PCDHA10: variants seen among roughly 807,000 people sequenced by gnomAD.
PCDHA10 encodes protocadherin alpha 10.
A neutral mutation model predicts 61.2 loss-of-function variants in PCDHA10; 45 were observed. The ratio of observed to expected loss-of-function variants is 0.74; its 90% CI spans 0.58 to 0.94. The LOEUF is 0.94. PCDHA10 is among the 40% of genes least tolerant of loss of function. The probability of loss-of-function intolerance (pLI) is 0.00; values close to 1 mark genes in which losing one functional copy is unlikely to be tolerated. For synonymous variants in PCDHA10, 602 were observed against 548.8 expected (o/e 1.10, Z -1.35); for missense variants, 1,278 against 1,236.2 (o/e 1.03, Z -0.51).
Position 140,871,139 on chromosome 5 carries a change from C to T in PCDHA10, c.2388+12703C>T, listed in dbSNP as rs782085001. 8 of 1,613,312 alleles carry T rather than the reference C, an allele frequency of 5.0e-6. No individual in the cohort carries two copies. The African/African-American group carries it at 6.7e-5, about 13-fold the overall frequency. On this transcript the variant is annotated intron_variant, in intron 1 of 3. Coordinates refer to ENST00000307360, the MANE Select transcript of PCDHA10 (RefSeq NM_018901.4). ...AGCGGACAGGCGCCAAAGGCCTCTTCCCGGACTTTGGCGGGCGCCGCGAGC... is the reference window on the plus strand; with the variant it reads ...AGCGGACAGGCGCCAAAGGCCTCTTTCCGGACTTTGGCGGGCGCCGCGAGC...
chr5:140,967,889 C>T, intron 1 of PCDHA10: 1 of 1,614,146 alleles, frequency 6.2e-7, no homozygotes, highest in Non-Finnish European at 8.5e-7. Context: ...TAGCCCAGTG[C>T]CTGAGAATGC....
intron 1 of PCDHA10, among the ~76,000 whole-genome samples, chr5:140,930,708 C>T (rs1554208021): frequency 2.0e-5 from 3 of 152,088 alleles, no homozygotes; most frequent in Admixed American, 2.0e-4. Flanking sequence ...AGTTATTCTT[C>T]CTCAAGTAAT....
At chr5:140,966,731 G>C (rs2096045524) in intron 1 of PCDHA10, 3 of 1,405,020 alleles carry the variant, frequency 2.1e-6, no homozygotes, top group Non-Finnish European at 2.8e-6. Flanking sequence ...TGCCGCCTCC[G>C]GCCCTGCCCG....
intron 1 of PCDHA10, chr5:140,969,448 G>C (rs781843317): frequency 2.0e-6 from 3 of 1,537,944 alleles, no homozygotes; most frequent in Non-Finnish European, 2.6e-6. Flanking sequence ...CTGGTAAACT[G>C]AGTATATATA....
intron 1 of PCDHA10, among the ~76,000 whole-genome samples, chr5:140,971,538 C>T (rs1162304462): frequency 6.6e-6 from 1 of 152,122 alleles, no homozygotes; most frequent in African/African-American, 2.4e-5. Flanking sequence ...GTCATCATTG[C>T]CAGATCAACC....
intron 1 of PCDHA10, chr5:140,876,996 G>T (rs1554169201): frequency 1.2e-6 from 2 of 1,612,618 alleles, no homozygotes; most frequent in East Asian, 2.2e-5. Context: ...CGAGCTACGT[G>T]TCGGTGCACG....
intron 1 of PCDHA10, among the ~76,000 whole-genome samples, chr5:140,898,600 G>A (rs2066865388): frequency 6.6e-6 from 1 of 152,184 alleles, no homozygotes; most frequent in Non-Finnish European, 1.5e-5. Context: ...TAGCCTTGTA[G>A]TATAGTTTGA....
Position 140,917,751 on chromosome 5 carries a change from A to G in PCDHA10, c.2388+59315A>G, listed in dbSNP as rs577892904. On this transcript the variant is annotated intron_variant, in intron 1 of 3. Coordinates refer to ENST00000307360, the MANE Select transcript of PCDHA10 (RefSeq NM_018901.4). ...GTTCTCTAACCTGTCCCATTGGTCT[A>G]TGTGTCTGTTTTTGTATTAGTACCA... is the stretch of plus-strand genomic sequence containing the variant. Among the ~76,000 whole-genome samples the G allele has an allele frequency of 3.7e-4, 56 of 152,178 alleles. 2 individuals are homozygous for G. The highest frequency in any genetic ancestry group is 1.3e-3 in the African/African-American group (55 of 41,522).
chr5:141,010,438 CA>C lies in PCDHA10; in HGVS notation c.*504del. ...TACAAGGAAGGCAAGAAAACAAAGA[CA>C]AATAAACAGCGGAAGTTATCAGTAT... On this transcript the variant is annotated 3_prime_UTR_variant, in exon 4 of 4. Transcript: ENST00000307360. 1.0e-6 allele frequency: 1 copy of C among 998,926 alleles called. No individual in the cohort carries two copies. The highest frequency in any genetic ancestry group is 1.4e-6 in the Non-Finnish European group (1 of 704,790). The allele number at this position is 998,926 out of a possible 1,614,324, so 61.9% of individuals were successfully genotyped here.
intron 1 of PCDHA10, chr5:140,863,724 G>C (rs1450071694): frequency 3.7e-6 from 1 of 271,826 alleles, no homozygotes; most frequent in African/African-American, 2.2e-5. Context: ...GCCGGGTGCG[G>C]TAGCTCATGC....
At chr5:140,884,864 T>C (rs1048751495) in intron 1 of PCDHA10, among the ~76,000 whole-genome samples, 1 of 152,234 alleles carries the variant, frequency 6.6e-6, no homozygotes, top group African/African-American at 2.4e-5. Flanking sequence ...TCACAAACCA[T>C]AATGAAATGT....
intron 1 of PCDHA10, chr5:140,870,490 G>A (rs372818492): frequency 7.8e-5 from 126 of 1,614,116 alleles, no homozygotes; most frequent in Non-Finnish European, 1.1e-4. Context: ...CACCGTGTTC[G>A]TGAAGGAGAA....
At chr5:140,968,287 C>G (rs7712041) in intron 1 of PCDHA10, 1 of 1,613,902 alleles carries the variant, frequency 6.2e-7, no homozygotes, top group South Asian at 1.1e-5. Context: ...TGACCTACTC[C>G]CTTCTGGAGA....
chr5:140,966,501 C>A (rs993120522), intron 1 of PCDHA10: 8 of 436,558 alleles, frequency 1.8e-5, no homozygotes, highest in Admixed American at 8.7e-5. Flanking sequence ...GGAGCTGTAG[C>A]GGCAGCAGCA....
chr5:140,869,677 C>T, intron 1 of PCDHA10: 1 of 1,613,420 alleles, frequency 6.2e-7, no homozygotes, highest in Non-Finnish European at 8.5e-7. Flanking sequence ...GATTAAAAGA[C>T]TGTCACTTAT....
intron 1 of PCDHA10, among the ~76,000 whole-genome samples, chr5:140,893,408 T>C (rs1562871197): frequency 6.6e-6 from 1 of 152,076 alleles, no homozygotes; most frequent in Non-Finnish European, 1.5e-5. Flanking sequence ...ATCCCAGCAC[T>C]TAGGGAGGCA....
intron 3 of PCDHA10, among the ~76,000 whole-genome samples, chr5:140,995,413 C>T (rs1554254672): frequency 6.6e-6 from 1 of 152,176 alleles, no homozygotes; most frequent in East Asian, 1.9e-4. Flanking sequence ...GATTTCATCA[C>T]ATTACTCAGA....
chr5:140,875,749 G>C, intron 1 of PCDHA10: 1 of 1,614,264 alleles, frequency 6.2e-7, no homozygotes, highest in Non-Finnish European at 8.5e-7. Flanking sequence ...GATCGACCGC[G>C]AGAAGCTGTG....
intron 1 of PCDHA10, chr5:140,929,431 C>T (rs155360): frequency 0.52 from 779,088 of 1,485,262 alleles, 207,160 homozygotes; most frequent in African/African-American, 0.75. Context: ...ATCAATTGAA[C>T]TAAACACTCC....
Sources: allele counts gnomAD v4.1 joint callset (sites outside exome capture counted in the v4.1 genomes callset), GRCh38; gene constraint gnomAD v4.1.1; transcripts MANE v1.5; gene names NCBI Gene and HGNC (gene_info 2026-07-23, HGNC 2026-07-21).